The following DSCAM variants were observed in gnomAD, a reference collection of about 807,000 sequenced individuals.
The protein encoded by DSCAM is DS cell adhesion molecule.
A neutral mutation model predicts 217.7 loss-of-function variants in DSCAM; 47 were observed. The observed-to-expected ratio is 0.22, with a 90% CI of 0.17 to 0.28. The LOEUF (loss-of-function observed/expected upper bound fraction) is 0.28. DSCAM is among the 10% of genes least tolerant of loss of function. DSCAM has a pLI of 1.00. For missense variants in DSCAM, 2,080 were observed against 2,618.3 expected (o/e 0.79, Z 4.49); for synonymous variants, 1,056 against 1,015.3 (o/e 1.04, Z -0.76).
chr21:40,525,504 C>G (rs910501437), intron 3 of DSCAM, among the ~76,000 whole-genome samples: 2 of 152,196 alleles, frequency 1.3e-5, no homozygotes, highest in African/African-American at 4.8e-5. Flanking sequence ...AACAAACATT[C>G]TTTAAGTGAG....
intron 11 of DSCAM, among the ~76,000 whole-genome samples, chr21:40,253,630 A>G (rs2073333497): frequency 1.3e-5 from 2 of 152,214 alleles, no homozygotes; most frequent in South Asian, 4.1e-4. Flanking sequence ...AATAGATCTC[A>G]GTCATGTGGC....
At chr21:40,644,078 T>C (rs2089915445) in intron 3 of DSCAM, among the ~76,000 whole-genome samples, 1 of 152,128 alleles carries the variant, frequency 6.6e-6, no homozygotes, top group Admixed American at 6.5e-5. Flanking sequence ...ATTCAGTTGG[T>C]CCAAGACTGA....
intron 1 of DSCAM, among the ~76,000 whole-genome samples, chr21:40,765,320 C>T (rs551272732): frequency 1.1e-4 from 16 of 152,140 alleles, no homozygotes; most frequent in African/African-American, 3.1e-4. Flanking sequence ...ACTGCCTGGC[C>T]CAGCCCCTGG....
At chr21:40,108,751 A>T (rs1328190336) in intron 20 of DSCAM, among the ~76,000 whole-genome samples, 2 of 152,202 alleles carry the variant, frequency 1.3e-5, no homozygotes, top group African/African-American at 2.4e-5. Context: ...TTCAAACTAT[A>T]CTACAGGGCT....
chr21:40,503,397 T>C (rs1186034113), intron 3 of DSCAM, among the ~76,000 whole-genome samples: 2 of 152,246 alleles, frequency 1.3e-5, no homozygotes, highest in African/African-American at 4.8e-5. Flanking sequence ...AGACTAGAAA[T>C]GTTATCTTTG....
At chr21:40,512,143 C>G (rs1444341677) in intron 3 of DSCAM, among the ~76,000 whole-genome samples, 1 of 152,050 alleles carries the variant, frequency 6.6e-6, no homozygotes, top group Non-Finnish European at 1.5e-5. Flanking sequence ...AGGAAATTAA[C>G]GTAGCAGTGA....
At chr21:40,364,567 T>C (rs528550539) in intron 4 of DSCAM, among the ~76,000 whole-genome samples, 5 of 150,366 alleles carry the variant, frequency 3.3e-5, no homozygotes, top group African/African-American at 4.9e-5. Flanking sequence ...CTGGGAGATA[T>C]ACCTAATGTT....
chr21:40,274,033 C>G (rs1290471097), intron 11 of DSCAM, among the ~76,000 whole-genome samples: 1 of 152,210 alleles, frequency 6.6e-6, no homozygotes, highest in African/African-American at 2.4e-5. Context: ...ATCATACCCT[C>G]TTCCATGAAC....
At chr21:40,828,469 C>T (rs568432542) in intron 1 of DSCAM, among the ~76,000 whole-genome samples, 1 of 152,176 alleles carries the variant, frequency 6.6e-6, no homozygotes, top group Admixed American at 6.5e-5. Context: ...AAGGGCTTAC[C>T]TGCTAGTTCT....
Position 40,248,678 on chromosome 21 carries a change from A to T in DSCAM, c.2356+27419T>A, listed in dbSNP as rs112999061. On this transcript the variant is annotated intron_variant, in intron 11 of 32. Transcript: ENST00000400454. The stretch of plus-strand genomic sequence containing the variant: ...TTTCTGTATTCTTCTGAGCCCTCCA[A>T]ACTGTTCCAACCTCTGCCGGTTACC... Among the ~76,000 whole-genome samples, 463 of 152,216 alleles carry T rather than the reference A, an allele frequency of 3.0e-3. 3 individuals carry two copies. Among genetic ancestry groups the T allele is most frequent in the African/African-American group, 0.011 (441 of 41,530 alleles).
intron 1 of DSCAM, among the ~76,000 whole-genome samples, chr21:40,761,575 C>T (rs1432839423): frequency 6.6e-6 from 1 of 152,186 alleles, no homozygotes; most frequent in Non-Finnish European, 1.5e-5. Flanking sequence ...TTGACACCTT[C>T]ATCTTGGACT....
chr21:40,167,109 A>G, intron 16 of DSCAM, 109 bp downstream of exon 16: 2 of 985,890 alleles, frequency 2.0e-6, no homozygotes, highest in Non-Finnish European at 3.0e-6. Flanking sequence ...ATTTTGAAAA[A>G]ATAAAAGTTT....
At chr21:40,643,845 C>G (rs940944232) in intron 3 of DSCAM, among the ~76,000 whole-genome samples, 1 of 152,186 alleles carries the variant, frequency 6.6e-6, no homozygotes, top group African/African-American at 2.4e-5. Context: ...CCAAACTTGC[C>G]AACACTTAGT....
intron 3 of DSCAM, among the ~76,000 whole-genome samples, chr21:40,686,082 C>A (rs1431511513): frequency 6.6e-6 from 1 of 151,890 alleles, no homozygotes; most frequent in Non-Finnish European, 1.5e-5. Context: ...GACTGAGTGG[C>A]CCAACAAATG....
At position 40,560,530 on chromosome 21, in the gene DSCAM, C is replaced by G. The variant is rs991535182; in HGVS notation, c.508+132280G>C. ...TTCAGTCTACCCGTTGTTAATACAGCGACTCCTCGACTTACAGTGGGATTA... is the reference window on the plus strand; with the variant it reads ...TTCAGTCTACCCGTTGTTAATACAGGGACTCCTCGACTTACAGTGGGATTA... On this transcript the variant is annotated intron_variant, in intron 3 of 32. Transcript: ENST00000400454. Among the ~76,000 whole-genome samples the G allele has an allele frequency of 4.6e-5, 7 of 152,288 alleles. No homozygotes were observed. The East Asian group carries it at 1.4e-3, about 29-fold the overall frequency.
intron 3 of DSCAM, among the ~76,000 whole-genome samples, chr21:40,653,241 G>A (rs554372691): frequency 6.6e-6 from 1 of 152,296 alleles, no homozygotes; most frequent in Non-Finnish European, 1.5e-5. Flanking sequence ...GGTGGTCTCA[G>A]GAAACTCCAA....
At chr21:40,828,745 T>A (rs998918305) in intron 1 of DSCAM, among the ~76,000 whole-genome samples, 2 of 148,810 alleles carry the variant, frequency 1.3e-5, no homozygotes, top group Non-Finnish European at 3.0e-5. Context: ...AACCTCCGCC[T>A]TCTGAGCTCA....
chr21:40,501,014 A>C (rs2076166487), intron 3 of DSCAM, among the ~76,000 whole-genome samples: 3 of 152,130 alleles, frequency 2.0e-5, no homozygotes, highest in Admixed American at 2.0e-4. Context: ...TTGCAGAGAT[A>C]CTCCAAACAA....
intron 11 of DSCAM, among the ~76,000 whole-genome samples, chr21:40,260,213 C>A (rs143038927): frequency 1.3e-5 from 2 of 152,288 alleles, no homozygotes; most frequent in East Asian, 1.9e-4. Flanking sequence ...GGACTGTACA[C>A]CTCTGTAATG....
Sources: allele counts gnomAD v4.1 joint callset (sites outside exome capture counted in the v4.1 genomes callset), GRCh38; gene constraint gnomAD v4.1.1; transcripts MANE v1.5; gene names NCBI Gene and HGNC (gene_info 2026-07-23, HGNC 2026-07-21).